FAM78B: variants seen among roughly 807,000 people sequenced by gnomAD.
FAM78B encodes the protein protein FAM78B.
Under a neutral mutation model 20.0 loss-of-function variants are expected in FAM78B, and 10 were observed. The ratio of observed to expected loss-of-function variants is 0.50; its 90% CI spans 0.31 to 0.85. FAM78B has a LOEUF of 0.85. Among genes scored for constraint, FAM78B ranks in the 40% least tolerant of loss-of-function variants. FAM78B has a pLI of 0.05. For missense variants in FAM78B, 283 were observed against 345.0 expected (o/e 0.82, Z 1.42); for synonymous variants, 135 against 132.8 (o/e 1.02, Z -0.12).
At chr1:166,133,319 T>G (rs1654944091) in intron 1 of FAM78B, among the ~76,000 whole-genome samples, 1 of 152,212 alleles carries the variant, frequency 6.6e-6, no homozygotes, top group Non-Finnish European at 1.5e-5. Context: ...ATGGGAATTC[T>G]CAGGAGAAGA....
chr1:166,151,730 A>G (rs965687747), intron 1 of FAM78B, among the ~76,000 whole-genome samples: 5 of 152,244 alleles, frequency 3.3e-5, no homozygotes, highest in African/African-American at 1.2e-4. Context: ...TCAACTGTTC[A>G]ACCATTCGGC....
intron 1 of FAM78B, among the ~76,000 whole-genome samples, chr1:166,097,768 G>C (rs570720662): frequency 6.7e-6 from 1 of 149,634 alleles, no homozygotes; most frequent in Admixed American, 6.7e-5. Context: ...GCCCAGCCCC[G>C]CCCCCACCTG....
intron 2 of FAM78B, among the ~76,000 whole-genome samples, chr1:166,064,171 G>GCC (rs1406330204): frequency 1.2e-4 from 19 of 152,210 alleles, no homozygotes; most frequent in African/African-American, 4.6e-4. Context: ...CATCATATAT[G>GCC]CCTCCAGTGT....
chr1:166,139,183 G>T (rs1169258248), intron 1 of FAM78B, among the ~76,000 whole-genome samples: 1 of 152,290 alleles, frequency 6.6e-6, no homozygotes, highest in South Asian at 2.1e-4. Context: ...AGAAGGGGAA[G>T]CCTAGACTCA....
intron 1 of FAM78B, among the ~76,000 whole-genome samples, chr1:166,133,409 T>C (rs995918853): frequency 6.6e-6 from 1 of 152,204 alleles, no homozygotes; most frequent in African/African-American, 2.4e-5. Flanking sequence ...GTAGAATTTC[T>C]TAGACAAAAC....
intron 1 of FAM78B, among the ~76,000 whole-genome samples, chr1:166,115,466 G>A (rs1654218651): frequency 6.6e-6 from 1 of 152,206 alleles, no homozygotes; most frequent in South Asian, 2.1e-4. Context: ...GGTAGGTAGG[G>A]GTGAGGTCAA....
intron 1 of FAM78B, among the ~76,000 whole-genome samples, chr1:166,102,927 A>G (rs1055391230): frequency 6.6e-6 from 1 of 152,170 alleles, no homozygotes; most frequent in East Asian, 1.9e-4. Flanking sequence ...ACGACACCAC[A>G]CCTATTCCAA....
At chr1:166,140,971 A>G (rs1345625974) in intron 1 of FAM78B, among the ~76,000 whole-genome samples, 1 of 152,222 alleles carries the variant, frequency 6.6e-6, no homozygotes, top group African/African-American at 2.4e-5. Flanking sequence ...CAAACAGCAG[A>G]GCTTTGACTG....
At chr1:166,103,465 TAAAG>T (rs942439061) in intron 1 of FAM78B, among the ~76,000 whole-genome samples, 4 of 151,882 alleles carry the variant, frequency 2.6e-5, no homozygotes, top group African/African-American at 7.2e-5. Context: ...GCAAGACTAA[TAAAG>T]AAGAAGAGAG....
chr1:166,116,140 A>G (rs1010609796), intron 1 of FAM78B, among the ~76,000 whole-genome samples: 1 of 151,948 alleles, frequency 6.6e-6, no homozygotes, highest in African/African-American at 2.4e-5. Context: ...TGCAGCTTTC[A>G]TGTGTCCTGT....
downstream of FAM78B, among the ~76,000 whole-genome samples, chr1:166,066,762 T>G (rs200447448): frequency 0.15 from 22,882 of 151,934 alleles, 2,194 homozygotes; most frequent in East Asian, 0.42. Context: ...ACCTATGAGA[T>G]TATCATTCCA....
downstream of FAM78B, among the ~76,000 whole-genome samples, chr1:166,056,298 A>G (rs372974549): frequency 5.1e-5 from 7 of 136,574 alleles, no homozygotes; most frequent in South Asian, 2.4e-4. Flanking sequence ...AGAGAGAGAG[A>G]GAATATGAAT....
intron 1 of FAM78B, among the ~76,000 whole-genome samples, chr1:166,098,258 CAG>C (rs1474533354): frequency 6.6e-6 from 1 of 152,148 alleles, no homozygotes; most frequent in Non-Finnish European, 1.5e-5. Context: ...TTCCCTTTGA[CAG>C]AGACTACCCA....
intron 1 of FAM78B, among the ~76,000 whole-genome samples, chr1:166,153,093 C>T (rs1359263484): frequency 5.9e-5 from 9 of 152,186 alleles, no homozygotes; most frequent in Non-Finnish European, 8.8e-5. Flanking sequence ...TGGAAACCCA[C>T]TCATGAGATG....
chr1:166,160,420 C>G (rs1656099605), intron 1 of FAM78B, among the ~76,000 whole-genome samples: 1 of 152,208 alleles, frequency 6.6e-6, no homozygotes, highest in Admixed American at 6.5e-5. Flanking sequence ...GATACGAGAG[C>G]AAGGCTTCGG....
chr1:166,078,932 T>G (rs1470953361), intron 1 of FAM78B, among the ~76,000 whole-genome samples: 1 of 150,570 alleles, frequency 6.6e-6, no homozygotes, highest in Non-Finnish European at 1.5e-5. Flanking sequence ...TACATGTTTT[T>G]TTTTTTTTTT....
intron 1 of FAM78B, among the ~76,000 whole-genome samples, chr1:166,092,357 C>G (rs1375647897): frequency 6.6e-6 from 1 of 152,176 alleles, no homozygotes; most frequent in Non-Finnish European, 1.5e-5. Context: ...CACCCCCAAC[C>G]CTCCCTGGCA....
chr1:166,138,330 C>A (rs971207112), intron 1 of FAM78B, among the ~76,000 whole-genome samples: 4 of 152,098 alleles, frequency 2.6e-5, no homozygotes, highest in African/African-American at 9.7e-5. Context: ...AAGTTGCCCA[C>A]CCCCTGTGTT....
intron 1 of FAM78B, among the ~76,000 whole-genome samples, chr1:166,136,396 C>T (rs79804180): frequency 3.3e-5 from 5 of 152,238 alleles, no homozygotes; most frequent in Admixed American, 6.6e-5. Context: ...GGGAAGCTGA[C>T]TTCTAGCTGT....
Sources: allele counts gnomAD v4.1 joint callset (sites outside exome capture counted in the v4.1 genomes callset), GRCh38; gene constraint gnomAD v4.1.1; transcripts MANE v1.5; gene names NCBI Gene and HGNC (gene_info 2026-07-23, HGNC 2026-07-21).